The following TBC1D14 variants were observed in gnomAD, a reference collection of about 807,000 sequenced individuals.
The protein encoded by TBC1D14 is TBC1 domain family, member 14.
In TBC1D14, 26 loss-of-function variants were observed where a neutral mutation model predicts 79.0. The observed-to-expected ratio is 0.33, with a 90% CI of 0.24 to 0.46. The LOEUF is 0.46. TBC1D14 is among the 20% of genes least tolerant of loss of function. The pLI, the probability that TBC1D14 is intolerant of heterozygous loss-of-function variation, is 1.00. For missense variants in TBC1D14, 769 were observed against 887.6 expected, an observed-to-expected ratio of 0.87 and a Z score of 1.70; for synonymous variants, 394 against 349.9, an observed-to-expected ratio of 1.13 and a Z score of -1.40.
chr4:7,010,288 G>T (rs898337807), intron 10 of TBC1D14, among the ~76,000 whole-genome samples: 6 of 152,240 alleles, frequency 3.9e-5, no homozygotes, highest in African/African-American at 1.4e-4. Context: ...TCGCGGATGT[G>T]TGTGCGCATG....
intron 1 of TBC1D14, among the ~76,000 whole-genome samples, chr4:6,913,663 C>T (rs1005037745): frequency 2.0e-5 from 3 of 152,200 alleles, no homozygotes; most frequent in Non-Finnish European, 4.4e-5. Context: ...TAAATTATTT[C>T]TCTTATGAAT....
chr4:6,918,498 T>G (rs572608430), intron 1 of TBC1D14, among the ~76,000 whole-genome samples: 3 of 152,360 alleles, frequency 2.0e-5, no homozygotes, highest in Non-Finnish European at 4.4e-5. Context: ...TGCCAATGCC[T>G]TCAGCAGACC....
At chr4:7,002,391 C>T (rs556903233) in intron 7 of TBC1D14, among the ~76,000 whole-genome samples, 6 of 152,200 alleles carry the variant, frequency 3.9e-5, no homozygotes, top group African/African-American at 9.7e-5. Context: ...ATGGAATGCA[C>T]AGTACCTTGT....
rs114815142 is a variant in TBC1D14 at position 7,024,406 on chromosome 4, T to C, written c.1758-598T>C. Among the ~76,000 whole-genome samples the C allele has an allele frequency of 7.5e-3, 1,147 of 152,306 alleles. 19 individuals carry two copies. Among genetic ancestry groups the C allele is most frequent in the African/African-American group, 0.026 (1,081 of 41,576 alleles). On this transcript the variant is annotated intron_variant, in intron 12 of 13. Coordinates refer to ENST00000409757, the MANE Select transcript of TBC1D14 (RefSeq NM_020773.3). The stretch of plus-strand genomic sequence containing the variant: ...CCACCTGTACCGAGCACTGTCAGTG[T>C]TGGGCAGGTTTTGAGAGCCAGGAGC...
intron 3 of TBC1D14, among the ~76,000 whole-genome samples, chr4:6,973,608 A>G (rs1716449999): frequency 6.6e-6 from 1 of 152,000 alleles, no homozygotes; most frequent in Non-Finnish European, 1.5e-5. Flanking sequence ...GGGGAAGAAG[A>G]CCAGAATTTG....
At chr4:6,916,631 G>GGCCCCGC (rs1723421910) in intron 1 of TBC1D14, among the ~76,000 whole-genome samples, 1 of 152,170 alleles carries the variant, frequency 6.6e-6, no homozygotes, top group African/African-American at 2.4e-5. Flanking sequence ...CTCTGGTGGC[G>GGCCCCGC]TGACAGTTGA....
chr4:7,020,258 G>A (rs1370280401), intron 12 of TBC1D14, among the ~76,000 whole-genome samples: 3 of 152,220 alleles, frequency 2.0e-5, no homozygotes, highest in East Asian at 3.8e-4. Context: ...CAAGGTGAGC[G>A]CAGTTTATGG....
At chr4:6,915,953 A>G (rs1258630987) in intron 1 of TBC1D14, among the ~76,000 whole-genome samples, 1 of 112,056 alleles carries the variant, frequency 8.9e-6, no homozygotes, top group Non-Finnish European at 2.0e-5. Context: ...CACCTCTACT[A>G]AAAAAAAAAA....
At chr4:7,004,250 T>C (rs1387345521) in intron 7 of TBC1D14, among the ~76,000 whole-genome samples, 4 of 152,256 alleles carry the variant, frequency 2.6e-5, no homozygotes, top group African/African-American at 9.6e-5. Context: ...ATTTGGAGGC[T>C]GTCATGATCC....
At chr4:6,955,938 C>G (rs957819486) in intron 2 of TBC1D14, among the ~76,000 whole-genome samples, 1 of 152,112 alleles carries the variant, frequency 6.6e-6, no homozygotes, top group African/African-American at 2.4e-5. Flanking sequence ...CTCCTACCTT[C>G]CTCTTGGTTA....
At chr4:6,994,625 A>G (rs2109158285) in intron 4 of TBC1D14, among the ~76,000 whole-genome samples, 1 of 152,264 alleles carries the variant, frequency 6.6e-6, no homozygotes, top group South Asian at 2.1e-4. Context: ...GAGGCGGTGG[A>G]TCACTTGAGG....
At chr4:6,937,226 A>T (rs9999025) in intron 2 of TBC1D14, among the ~76,000 whole-genome samples, 98,117 of 152,174 alleles carry the variant, frequency 0.64, 32,209 homozygotes, top group South Asian at 0.8. Flanking sequence ...CTTTTTAAAA[A>T]TTTTAAACAT....
intron 12 of TBC1D14, among the ~76,000 whole-genome samples, chr4:7,023,060 C>T (rs1721986412): frequency 6.6e-6 from 1 of 152,070 alleles, no homozygotes; most frequent in Admixed American, 6.5e-5. Flanking sequence ...TCAAGACCAG[C>T]CGGGCCAAGA....
Position 7,025,073 on chromosome 4 carries a change from C to T in TBC1D14, c.1827C>T (p.Arg609=), listed in dbSNP as rs372772582. ...GTCGTATCTGGGACGTGTTCTGTCG[C>T]GATGGGGAAGAGTTCCTGTTCCGCA... ...LACRIWDVFC[R]DGEEFLFRTA... The change falls in exon 13 of 14, where the codon CGC becomes CGT. Residue 609 remains arginine, a synonymous_variant. Coordinates refer to ENST00000409757, the MANE Select transcript of TBC1D14 (RefSeq NM_020773.3). 25 of 1,614,058 alleles carry T rather than the reference C, an allele frequency of 1.5e-5. No individual in the cohort carries two copies. The highest frequency in any genetic ancestry group is 2.2e-5 in the South Asian group (2 of 91,088).
chr4:6,995,324 C>A (rs1439373279), intron 4 of TBC1D14: 1 of 152,184 alleles, frequency 6.6e-6, no homozygotes, highest in Non-Finnish European at 1.5e-5. Context: ...TTCATACATA[C>A]ATGTAACAAA....
intron 3 of TBC1D14, among the ~76,000 whole-genome samples, chr4:6,974,901 G>GTTTGTT (rs1297274362): frequency 1.3e-5 from 2 of 151,908 alleles, no homozygotes; most frequent in East Asian, 1.9e-4. Flanking sequence ...TTGTTTGTTT[G>GTTTGTT]TTTGTTTTTG....
At chr4:7,018,895 G>A (rs966954660) in intron 12 of TBC1D14, among the ~76,000 whole-genome samples, 8 of 152,230 alleles carry the variant, frequency 5.3e-5, no homozygotes, top group Non-Finnish European at 1.5e-5. Context: ...GTGTGAGTGA[G>A]CTTTATAATA....
intron 2 of TBC1D14, among the ~76,000 whole-genome samples, chr4:6,931,896 T>C (rs1358220614): frequency 6.6e-6 from 1 of 152,004 alleles, no homozygotes; most frequent in Non-Finnish European, 1.5e-5. Flanking sequence ...CAGAGGGTGC[T>C]GATGGTAAAC....
intron 2 of TBC1D14, among the ~76,000 whole-genome samples, chr4:6,949,986 G>T (rs1713876764): frequency 6.6e-6 from 1 of 152,058 alleles, no homozygotes; most frequent in Non-Finnish European, 1.5e-5. Flanking sequence ...GTGGTTGTTT[G>T]TTGCACCCAT....
Sources: gnomAD v4.1 joint callset for allele counts (sites outside exome capture counted in the v4.1 genomes callset) on GRCh38, gnomAD v4.1.1 for gene constraint, MANE v1.5 for transcripts, NCBI Gene and HGNC (gene_info 2026-07-23, HGNC 2026-07-21) for gene names.